SHISA6: variants seen among roughly 807,000 people sequenced by gnomAD.
SHISA6 encodes the protein protein shisa-6.
A neutral mutation model predicts 47.9 loss-of-function variants in SHISA6; 22 were observed. That is an observed-to-expected ratio of 0.46 (90% confidence interval 0.33 to 0.66). The LOEUF (loss-of-function observed/expected upper bound fraction) is 0.66, where lower values mean the gene tolerates loss of function less well. Among genes scored for constraint, SHISA6 ranks in the 30% least tolerant of loss-of-function variants. SHISA6 has a pLI of 0.02. For missense variants in SHISA6, 680 were observed against 764.6 expected (o/e 0.89, Z 1.30); for synonymous variants, 388 against 337.8 (o/e 1.15, Z -1.63).
chr17:11,361,045 GT>G (rs10559558), intron 2 of SHISA6, among the ~76,000 whole-genome samples: 72,710 of 115,872 alleles, frequency 0.63, 18,376 homozygotes, highest in East Asian at 0.74. Flanking sequence ...CTTTTTTCCT[GT>G]TTTTTTTTTT....
chr17:11,341,166 A>AT (rs1911513985), intron 2 of SHISA6, among the ~76,000 whole-genome samples: 1 of 152,180 alleles, frequency 6.6e-6, no homozygotes, highest in Admixed American at 6.5e-5. Context: ...GGGACCCAGG[A>AT]TTGAGTTTGT....
chr17:11,338,858 G>A (rs567550737), intron 2 of SHISA6, among the ~76,000 whole-genome samples: 9 of 152,270 alleles, frequency 5.9e-5, no homozygotes, highest in African/African-American at 2.2e-4. Flanking sequence ...TGAAAAAGAT[G>A]TTGCACTGCT....
In SHISA6 at chr17:11,403,430, A is replaced by AC. The variant is rs574147900; in HGVS notation, c.895+23924dup. ...TATTCTGCAATTGTCAGATTCAGGG[A>AC]CCCACCCTGGAAGTTTTTCTAGGGG... On this transcript the variant is annotated intron_variant, in intron 3 of 5. Transcript: ENST00000441885. Among the ~76,000 whole-genome samples the AC allele has an allele frequency of 2.1e-4, 32 of 152,270 alleles. No homozygotes were observed. In the East Asian group the frequency reaches 2.9e-3, roughly 14 times the overall value.
intron 3 of SHISA6, among the ~76,000 whole-genome samples, chr17:11,517,139 C>T (rs779800223): frequency 1.3e-5 from 2 of 152,136 alleles, no homozygotes; most frequent in South Asian, 2.1e-4. Flanking sequence ...TTAGAAGTTT[C>T]GTTTTCCAAG....
chr17:11,303,886 A>G (rs1351527392), intron 2 of SHISA6, among the ~76,000 whole-genome samples: 2 of 152,136 alleles, frequency 1.3e-5, no homozygotes, highest in Non-Finnish European at 2.9e-5. Context: ...TTGTGTTTCT[A>G]GGGTGGGCCT....
In SHISA6 at chr17:11,439,480, G is replaced by A. The variant is rs558185809; in HGVS notation, c.895+59971G>A. ...AAGCGTGGAAACTTCAAAAACTAATGGCTTCTTAGACTTCTGGGGGAAAAA... is the reference window on the plus strand; with the variant it reads ...AAGCGTGGAAACTTCAAAAACTAATAGCTTCTTAGACTTCTGGGGGAAAAA... On this transcript the variant is annotated intron_variant, in intron 3 of 5. Transcript: ENST00000441885. Among the ~76,000 whole-genome samples the A allele has an allele frequency of 1.1e-4, 16 of 152,210 alleles. No homozygotes were observed. The South Asian group carries it at 2.9e-3, about 28-fold the overall frequency.
rs1407873618 is a variant in SHISA6 at position 11,319,704 on chromosome 17, C to A, written c.799+56178C>A. Among the ~76,000 whole-genome samples, 5 of 152,322 alleles carry A rather than the reference C, an allele frequency of 3.3e-5. No homozygotes were observed. In the East Asian group the frequency reaches 9.7e-4, roughly 29 times the overall value. On this transcript the variant is annotated intron_variant, in intron 2 of 5. Coordinates refer to ENST00000441885, the MANE Select transcript of SHISA6 (RefSeq NM_207386.4). ...TGATTATTCAAATTCTTCTAATTCT[C>A]CCTCTTTGAGGATATAAACACTGTT...
At chr17:11,434,841 T>C (rs1914891904) in intron 3 of SHISA6, among the ~76,000 whole-genome samples, 1 of 152,324 alleles carries the variant, frequency 6.6e-6, no homozygotes, top group South Asian at 2.1e-4. Context: ...GAAGGGAGAA[T>C]GTATGACCAC....
intron 3 of SHISA6, among the ~76,000 whole-genome samples, chr17:11,489,364 A>C (rs1916422490): frequency 6.6e-6 from 1 of 152,174 alleles, no homozygotes. Flanking sequence ...TGAGCATCTG[A>C]CATGACCTTT....
At chr17:11,503,752 C>T (rs2071474682) in intron 3 of SHISA6, among the ~76,000 whole-genome samples, 1 of 152,230 alleles carries the variant, frequency 6.6e-6, no homozygotes, top group Non-Finnish European at 1.5e-5. Flanking sequence ...TATCAATTGA[C>T]ATCTGCTGTC....
rs1405795056 is a variant in SHISA6 at position 11,277,266 on chromosome 17, TCTCTCTCTCTCTCTCACA to T, written c.799+13742_799+13759del. On this transcript the variant is annotated intron_variant, in intron 2 of 5. Transcript: ENST00000441885. ...TTCTCTCTCTCTCTCTCTCTCTCTC[TCTCTCTCTCTCTCTCACA>T]CACACACACACACACACACACACAC... is the stretch of plus-strand genomic sequence containing the variant. Among the ~76,000 whole-genome samples, 118 of 109,720 alleles carry T rather than the reference TCTCTCTCTCTCTCTCACA, an allele frequency of 1.1e-3. No homozygotes were observed. The East Asian group carries it at 0.034, about 31-fold the overall frequency. 72.0% of individuals were successfully genotyped at this position (109,720 alleles called of 152,430 possible).
intron 3 of SHISA6, among the ~76,000 whole-genome samples, chr17:11,433,848 T>TTTA (rs1914860500): frequency 6.6e-6 from 1 of 151,962 alleles, no homozygotes; most frequent in Non-Finnish European, 1.5e-5. Flanking sequence ...CAGGAGAGCA[T>TTTA]CCTAGGGACT....
rs1319166090 is a variant in SHISA6 at position 11,438,680 on chromosome 17, AC to A, written c.895+59172del. ...AAAAGCCCTATCTCCAAATATAGTT[AC>A]ACTGGGAGTTAGGGTTTCAACACGT... is the stretch of plus-strand genomic sequence containing the variant. On this transcript the variant is annotated intron_variant, in intron 3 of 5. Transcript: ENST00000441885. 2.6e-5 allele frequency among the ~76,000 whole-genome samples: 4 copies of A among 152,228 alleles called. No homozygotes were observed. In the East Asian group the frequency reaches 7.7e-4, roughly 29 times the overall value.
chr17:11,351,549 A>G (rs1056331627), intron 2 of SHISA6, among the ~76,000 whole-genome samples: 2 of 152,080 alleles, frequency 1.3e-5, no homozygotes, highest in Non-Finnish European at 2.9e-5. Context: ...AACAAATTCT[A>G]TTTTGTTGCT....
intron 3 of SHISA6, among the ~76,000 whole-genome samples, chr17:11,455,397 G>C (rs1915509045): frequency 6.6e-6 from 1 of 152,182 alleles, no homozygotes; most frequent in Non-Finnish European, 1.5e-5. Flanking sequence ...GTAAATGTGA[G>C]ACTAAAAATA....
chr17:11,395,675 G>A (rs1203424177), intron 3 of SHISA6, among the ~76,000 whole-genome samples: 2 of 151,562 alleles, frequency 1.3e-5, no homozygotes, highest in Admixed American at 6.6e-5. Flanking sequence ...CCACCACCAC[G>A]CCCAGCTAAT....
intron 3 of SHISA6, among the ~76,000 whole-genome samples, chr17:11,381,843 C>T (rs1479603149): frequency 6.6e-6 from 1 of 152,190 alleles, no homozygotes; most frequent in Non-Finnish European, 1.5e-5. Flanking sequence ...CCACCTGCCC[C>T]TCCTGTGCGT....
At chr17:11,258,342 T>C (rs1597425578) in intron 1 of SHISA6, among the ~76,000 whole-genome samples, 1 of 152,124 alleles carries the variant, frequency 6.6e-6, no homozygotes, top group African/African-American at 2.4e-5. Context: ...AGGCCGAAGG[T>C]TTGTTTCCAT....
rs565330525 is a variant in SHISA6 at position 11,553,875 on chromosome 17, A to G, written c.953-1865A>G. ...AAGAACAGATATTGTCGTTGGCTAA[A>G]AAGATGGGACATTGGCACAGCAAAA... On this transcript the variant is annotated intron_variant, in intron 4 of 5. Transcript: ENST00000441885. Among the ~76,000 whole-genome samples, 8 of 152,334 alleles carry G rather than the reference A, an allele frequency of 5.3e-5. No individual in the cohort carries two copies. In the South Asian group the frequency reaches 1.5e-3, roughly 28 times the overall value.
Sources: gnomAD v4.1 joint callset for allele counts (sites outside exome capture counted in the v4.1 genomes callset) on GRCh38, gnomAD v4.1.1 for gene constraint, MANE v1.5 for transcripts, NCBI Gene and HGNC (gene_info 2026-07-23, HGNC 2026-07-21) for gene names.